The following AGBL4 variants were observed in gnomAD, a reference collection of about 807,000 sequenced individuals.
The protein encoded by AGBL4 is AGBL carboxypeptidase 4, also known as cytosolic carboxypeptidase 6.
AGBL4 carries 58 observed loss-of-function variants against 66.4 expected under a neutral mutation model. The ratio of observed to expected loss-of-function variants is 0.87; its 90% CI spans 0.71 to 1.09. AGBL4 has a LOEUF of 1.09. Among genes scored for constraint, AGBL4 ranks in the 50% least tolerant of loss-of-function variants. The pLI is 0.00. For synonymous variants in AGBL4, 234 were observed against 222.9 expected (o/e 1.05, Z -0.44); for missense variants, 579 against 631.0 (o/e 0.92, Z 0.88).
chr1:48,866,709 A>C (rs1415246631), intron 6 of AGBL4, among the ~76,000 whole-genome samples: 2 of 152,042 alleles, frequency 1.3e-5, no homozygotes, highest in African/African-American at 4.8e-5. Context: ...GGTGGACCTG[A>C]CCTTCCCTTA....
At chr1:49,759,616 G>A (rs1030874022) in intron 2 of AGBL4, among the ~76,000 whole-genome samples, 10 of 152,290 alleles carry the variant, frequency 6.6e-5, no homozygotes, top group Admixed American at 1.3e-4. Flanking sequence ...ATTAACTATA[G>A]GAGAAATTGG....
At chr1:48,887,207 G>A (rs1650447910) in intron 5 of AGBL4, among the ~76,000 whole-genome samples, 1 of 152,142 alleles carries the variant, frequency 6.6e-6, no homozygotes, top group African/African-American at 2.4e-5. Flanking sequence ...AGTATGACGA[G>A]GGCATAGAGG....
chr1:49,164,697 T>C (rs573217290), intron 4 of AGBL4, among the ~76,000 whole-genome samples: 1 of 152,316 alleles, frequency 6.6e-6, no homozygotes, highest in South Asian at 2.1e-4. Flanking sequence ...TTCCTGGGAT[T>C]TATTTTGTCA....
At chr1:49,426,357 A>G (rs1160340013) in intron 3 of AGBL4, among the ~76,000 whole-genome samples, 1 of 152,158 alleles carries the variant, frequency 6.6e-6, no homozygotes, top group Admixed American at 6.5e-5. Flanking sequence ...AATAAAACCA[A>G]TCTATTGAAT....
intron 6 of AGBL4, among the ~76,000 whole-genome samples, chr1:48,776,342 GAC>G (rs1051983071): frequency 6.6e-6 from 1 of 152,202 alleles, no homozygotes; most frequent in African/African-American, 2.4e-5. Context: ...GAGGAGGACA[GAC>G]ACAGATGAAG....
At chr1:49,679,395 G>A (rs1417092734) in intron 3 of AGBL4, among the ~76,000 whole-genome samples, 1 of 151,858 alleles carries the variant, frequency 6.6e-6, no homozygotes. Context: ...GTGTATGTTT[G>A]CATGTGTGTG....
intron 5 of AGBL4, among the ~76,000 whole-genome samples, chr1:48,905,894 T>A (rs1268790764): frequency 6.6e-6 from 1 of 152,214 alleles, no homozygotes; most frequent in African/African-American, 2.4e-5. Flanking sequence ...AAATACTGAT[T>A]GACCACTTCC....
intron 2 of AGBL4, among the ~76,000 whole-genome samples, chr1:49,779,395 AAC>A (rs1571548795): frequency 6.6e-6 from 1 of 152,178 alleles, no homozygotes; most frequent in Non-Finnish European, 1.5e-5. Context: ...CCTACTGGAG[AAC>A]ACCAACGGTA....
intron 5 of AGBL4, among the ~76,000 whole-genome samples, chr1:48,941,309 C>T (rs1655954271): frequency 6.6e-6 from 1 of 152,150 alleles, no homozygotes; most frequent in African/African-American, 2.4e-5. Flanking sequence ...GTGAGCATAA[C>T]AAGAAGGGCA....
intron 4 of AGBL4, among the ~76,000 whole-genome samples, chr1:49,060,334 G>T (rs1300099059): frequency 6.6e-6 from 1 of 152,144 alleles, no homozygotes; most frequent in Non-Finnish European, 1.5e-5. Flanking sequence ...CTTCTGCCAT[G>T]ATTGTAAGTT....
intron 6 of AGBL4, among the ~76,000 whole-genome samples, chr1:48,861,930 T>C (rs966051219): frequency 6.6e-6 from 1 of 152,192 alleles, no homozygotes; most frequent in Non-Finnish European, 1.5e-5. Context: ...GTCTCTTCTT[T>C]TCTCATTTCC....
intron 3 of AGBL4, among the ~76,000 whole-genome samples, chr1:49,477,377 C>A (rs1298062402): frequency 6.6e-6 from 1 of 152,064 alleles, no homozygotes; most frequent in Non-Finnish European, 1.5e-5. Flanking sequence ...GGAGAGAAAT[C>A]AGCTCCATTT....
At chr1:49,547,412 A>T (rs112930893) in intron 3 of AGBL4, among the ~76,000 whole-genome samples, 14,263 of 152,194 alleles carry the variant, frequency 0.094, 890 homozygotes, top group African/African-American at 0.16. Flanking sequence ...ATGGCCTTAT[A>T]GCATAGTTTG....
At position 49,882,620 on chromosome 1, in the gene AGBL4, A is replaced by T. The variant is rs536751480; in HGVS notation, c.35-31102T>A. ...GTCCTTCACATCCATTGTAAGTTGG[A>T]TTCCTAGGTATTTTATTCTCTTTGA... is the stretch of plus-strand genomic sequence containing the variant. On this transcript the variant is annotated intron_variant, in intron 1 of 13. Transcript: ENST00000371839. Among the ~76,000 whole-genome samples the T allele has an allele frequency of 2.6e-3, 396 of 152,180 alleles. 5 individuals carry two copies. The highest frequency in any genetic ancestry group is 4.8e-3 in the Non-Finnish European group (326 of 68,022).
intron 3 of AGBL4, among the ~76,000 whole-genome samples, chr1:49,395,808 T>C (rs1025475383): frequency 2.4e-5 from 3 of 127,424 alleles, no homozygotes; most frequent in Non-Finnish European, 4.9e-5. Flanking sequence ...TACATATATA[T>C]ATGTATACAT....
intron 2 of AGBL4, among the ~76,000 whole-genome samples, chr1:49,744,051 T>C (rs376376447): frequency 6.0e-5 from 9 of 150,940 alleles, no homozygotes; most frequent in Non-Finnish European, 1.3e-4. Context: ...ACTTAAAGTA[T>C]AATAAAAAAA....
intron 1 of AGBL4, among the ~76,000 whole-genome samples, chr1:49,953,758 G>C (rs1239497579): frequency 6.6e-6 from 1 of 151,376 alleles, no homozygotes; most frequent in African/African-American, 2.4e-5. Flanking sequence ...TTGGATAAGA[G>C]ATACTCAATC....
At chr1:48,842,292 G>A (rs1646822620) in intron 6 of AGBL4, among the ~76,000 whole-genome samples, 1 of 151,912 alleles carries the variant, frequency 6.6e-6, no homozygotes, top group Admixed American at 6.6e-5. Flanking sequence ...AGGTGGATGA[G>A]TGTATTTCAC....
At chr1:49,174,531 G>C (rs1201488397) in intron 4 of AGBL4, among the ~76,000 whole-genome samples, 1 of 151,910 alleles carries the variant, frequency 6.6e-6, no homozygotes, top group Non-Finnish European at 1.5e-5. Context: ...TCATCCTTAG[G>C]GGCATTTTTG....
Sources: allele counts gnomAD v4.1 joint callset (sites outside exome capture counted in the v4.1 genomes callset), GRCh38; gene constraint gnomAD v4.1.1; transcripts MANE v1.5; gene names NCBI Gene and HGNC (gene_info 2026-07-23, HGNC 2026-07-21).